LRRC4C: variants seen among roughly 807,000 people sequenced by gnomAD.
LRRC4C encodes leucine rich repeat containing 4C.
Under a neutral mutation model 33.6 loss-of-function variants are expected in LRRC4C, and 5 were observed. The ratio of observed to expected loss-of-function variants is 0.15; its 90% CI spans 0.08 to 0.31. The LOEUF (loss-of-function observed/expected upper bound fraction) is 0.31. Among genes scored for constraint, LRRC4C ranks in the 10% least tolerant of loss-of-function variants. LRRC4C has a pLI of 1.00. For synonymous variants in LRRC4C, 329 were observed against 302.0 expected (o/e 1.09, Z -0.93); for missense variants, 560 against 796.7 (o/e 0.70, Z 3.58).
At chr11:40,724,865 A>T (rs1013154093) in intron 2 of LRRC4C, among the ~76,000 whole-genome samples, 3 of 152,160 alleles carry the variant, frequency 2.0e-5, no homozygotes, top group Non-Finnish European at 2.9e-5. Context: ...ACAAAGAAAA[A>T]AAAGAAGATA....
intron 1 of LRRC4C, among the ~76,000 whole-genome samples, chr11:41,167,323 G>A (rs1944775404): frequency 6.6e-6 from 1 of 152,142 alleles, no homozygotes; most frequent in South Asian, 2.1e-4. Context: ...GCAGGAGGTG[G>A]CTGCTGACAG....
intron 2 of LRRC4C, among the ~76,000 whole-genome samples, chr11:40,663,085 A>G (rs1943534220): frequency 1.3e-5 from 2 of 152,016 alleles, no homozygotes; most frequent in African/African-American, 4.8e-5. Context: ...TTATTTATTT[A>G]TTTATTTATT....
intron 2 of LRRC4C, among the ~76,000 whole-genome samples, chr11:40,753,563 C>G (rs535418069): frequency 5.7e-4 from 75 of 131,852 alleles, no homozygotes; most frequent in Middle Eastern, 9.8e-3. Flanking sequence ...TTTTTTGAGA[C>G]AGAGTCTTGC....
In LRRC4C at chr11:40,495,108, T is replaced by C. The variant is rs139596381; in HGVS notation, c.-270+153034A>G. Among the ~76,000 whole-genome samples the C allele has an allele frequency of 6.7e-3, 1,016 of 152,318 alleles. 5 individuals carry two copies. Among genetic ancestry groups the C allele is most frequent in the African/African-American group, 0.019 (809 of 41,576 alleles). On this transcript the variant is annotated intron_variant, in intron 3 of 6. Transcript: ENST00000528697. ...TTAATCTTGAAATTTCTGTTTGCTATTCCCAACAGATTATTTGAATCAATA... is the reference window on the plus strand; with the variant it reads ...TTAATCTTGAAATTTCTGTTTGCTACTCCCAACAGATTATTTGAATCAATA...
chr11:40,679,442 T>C (rs1397606897), intron 2 of LRRC4C, among the ~76,000 whole-genome samples: 1 of 152,174 alleles, frequency 6.6e-6, no homozygotes, highest in Admixed American at 6.5e-5. Context: ...CTCCAGGGCA[T>C]GTCAGAGACC....
chr11:41,110,430 A>G (rs1162462695), intron 1 of LRRC4C, among the ~76,000 whole-genome samples: 34 of 152,110 alleles, frequency 2.2e-4, no homozygotes, highest in Admixed American at 2.2e-3. Flanking sequence ...AAATGAGTAA[A>G]CTAAGACAAA....
At chr11:40,354,445 G>A (rs1433358610) in intron 3 of LRRC4C, among the ~76,000 whole-genome samples, 1 of 152,154 alleles carries the variant, frequency 6.6e-6, no homozygotes, top group Non-Finnish European at 1.5e-5. Context: ...GCTGGCCCAG[G>A]TTAGAGACAG....
At position 40,873,820 on chromosome 11, in the gene LRRC4C, G is replaced by A. The variant is rs186682473; in HGVS notation, c.-407+59815C>T. Among the ~76,000 whole-genome samples, 7 of 152,134 alleles carry A rather than the reference G, an allele frequency of 4.6e-5. No homozygotes were observed. In the South Asian group the frequency reaches 1.0e-3, roughly 23 times the overall value. On this transcript the variant is annotated intron_variant, in intron 2 of 6. Coordinates refer to ENST00000528697, the MANE Select transcript of LRRC4C (RefSeq NM_001258419.2). ...TAACTTTTCTGCCTTCTTTGACATC[G>A]CATTTCGAATTACAGACTTCTAATA...
intron 1 of LRRC4C, among the ~76,000 whole-genome samples, chr11:41,142,621 C>T (rs1472343385): frequency 6.6e-6 from 1 of 152,022 alleles, no homozygotes; most frequent in Non-Finnish European, 1.5e-5. Context: ...TTTGGGAGTA[C>T]TCATACAGAC....
chr11:40,786,703 A>C (rs1950423530), intron 2 of LRRC4C, among the ~76,000 whole-genome samples: 1 of 152,148 alleles, frequency 6.6e-6, no homozygotes, highest in African/African-American at 2.4e-5. Flanking sequence ...GTCAACAAGG[A>C]AAAAATTAAA....
chr11:40,981,413 C>CA (rs113295551), intron 1 of LRRC4C, among the ~76,000 whole-genome samples: 4,946 of 117,252 alleles, frequency 0.042, 173 homozygotes, highest in African/African-American at 0.1. Context: ...GACTCCGTCT[C>CA]AAAAAAAAAA....
intron 1 of LRRC4C, among the ~76,000 whole-genome samples, chr11:41,262,009 G>A (rs1948997045): frequency 6.6e-6 from 1 of 151,542 alleles, no homozygotes; most frequent in Non-Finnish European, 1.5e-5. Flanking sequence ...AACACCCAAA[G>A]GTTAAAAATA....
chr11:41,050,537 G>A (rs1418024450), intron 1 of LRRC4C, among the ~76,000 whole-genome samples: 5 of 152,050 alleles, frequency 3.3e-5, no homozygotes, highest in Non-Finnish European at 5.9e-5. Context: ...GTGAGAACAC[G>A]TGGTGTTTGG....
intron 2 of LRRC4C, among the ~76,000 whole-genome samples, chr11:40,878,199 T>C (rs1432490584): frequency 6.6e-6 from 1 of 152,154 alleles, no homozygotes; most frequent in Non-Finnish European, 1.5e-5. Context: ...TGTCGGATTC[T>C]GACTTAAAGC....
At chr11:40,532,393 T>G (rs1591023365) in intron 3 of LRRC4C, among the ~76,000 whole-genome samples, 1 of 151,910 alleles carries the variant, frequency 6.6e-6, no homozygotes, top group South Asian at 2.1e-4. Context: ...ATAATAATTA[T>G]TATTATTGTA....
chr11:40,218,735 C>CTATT, intron 5 of LRRC4C, among the ~76,000 whole-genome samples: 1 of 151,450 alleles, frequency 6.6e-6, no homozygotes, highest in South Asian at 2.1e-4. Context: ...ATCTATCTAT[C>CTATT]TATCTATCCA....
intron 1 of LRRC4C, among the ~76,000 whole-genome samples, chr11:41,371,513 T>TCC (rs1952746451): frequency 1.3e-5 from 2 of 152,116 alleles, no homozygotes; most frequent in African/African-American, 4.8e-5. Context: ...TTGTGGGACA[T>TCC]TTATCTTCAG....
At chr11:41,171,510 C>T (rs953842173) in intron 1 of LRRC4C, among the ~76,000 whole-genome samples, 1 of 150,078 alleles carries the variant, frequency 6.7e-6, no homozygotes, top group African/African-American at 2.5e-5. Flanking sequence ...GACAAAAAAC[C>T]AAACACTGCA....
intron 5 of LRRC4C, among the ~76,000 whole-genome samples, chr11:40,178,769 G>A (rs1166235769): frequency 6.6e-6 from 1 of 152,150 alleles, no homozygotes; most frequent in African/African-American, 2.4e-5. Flanking sequence ...CTCGCTGTGG[G>A]GTTGGTTGGG....
Sources: allele counts gnomAD v4.1 joint callset (sites outside exome capture counted in the v4.1 genomes callset), GRCh38; gene constraint gnomAD v4.1.1; transcripts MANE v1.5; gene names NCBI Gene and HGNC (gene_info 2026-07-23, HGNC 2026-07-21).